The following ARFIP1 variants were observed in gnomAD, a reference collection of about 807,000 sequenced individuals.
ARFIP1 encodes the protein ARF interacting protein 1.
In ARFIP1, 24 loss-of-function variants were observed where a neutral mutation model predicts 42.5. The observed-to-expected ratio is 0.57, with a 90% CI of 0.41 to 0.80. The LOEUF (loss-of-function observed/expected upper bound fraction) is 0.80. ARFIP1 is among the 30% of genes least tolerant of loss of function. The pLI is 0.00. For synonymous variants in ARFIP1, 141 were observed against 153.7 expected, an observed-to-expected ratio of 0.92 and a Z score of 0.61; for missense variants, 354 against 434.0, an observed-to-expected ratio of 0.82 and a Z score of 1.64.
At chr4:152,889,479 A>G (rs1736539578) in intron 8 of ARFIP1, among the ~76,000 whole-genome samples, 1 of 127,402 alleles carries the variant, frequency 7.8e-6, no homozygotes, top group African/African-American at 3.0e-5. Flanking sequence ...TGAGCACATA[A>G]GATTGCATTC....
intron 2 of ARFIP1, among the ~76,000 whole-genome samples, chr4:152,839,559 A>G (rs371479351): frequency 5.3e-5 from 8 of 152,198 alleles, no homozygotes; most frequent in Admixed American, 6.5e-5. Flanking sequence ...TTTCTAGTTT[A>G]TGTGTGTAAA....
At position 152,862,450 on chromosome 4, in the gene ARFIP1, A is replaced by T. The variant is rs562647721; in HGVS notation, c.94-1156A>T. ...GATGTGTATGTTTTGTCCTAGGTTTAAAAAAAAAAAAAGGATAACTATCTT... is the reference window on the plus strand; with the variant it reads ...GATGTGTATGTTTTGTCCTAGGTTTTAAAAAAAAAAAAGGATAACTATCTT... On this transcript the variant is annotated intron_variant, in intron 2 of 8. Coordinates refer to ENST00000353617, the MANE Select transcript of ARFIP1 (RefSeq NM_001025595.3). Among the ~76,000 whole-genome samples the T allele has an allele frequency of 6.9e-3, 990 of 143,508 alleles. 6 individuals are homozygous for T. Among genetic ancestry groups the T allele is most frequent in the South Asian group, 0.023 (107 of 4,584 alleles). 94.1% of individuals were successfully genotyped at this position (143,508 alleles called of 152,430 possible). A position where few individuals can be genotyped will look rare whatever the true frequency, so the allele number is the denominator to read the frequency against.
chr4:152,883,009 T>C lies in ARFIP1; in HGVS notation c.791+129T>C, dbSNP rs974891645. The C allele has an allele frequency of 1.5e-5, 14 of 960,156 alleles. 1 individual carries two copies. In the South Asian group the frequency reaches 1.6e-4, roughly 11 times the overall value. The allele number at this position is 960,156 out of a possible 1,614,324, so 59.5% of individuals were successfully genotyped here. A position where few individuals can be genotyped will look rare whatever the true frequency, so the allele number is the denominator to read the frequency against. On this transcript the variant is annotated intron_variant, in intron 7 of 8. Coordinates refer to ENST00000353617, the MANE Select transcript of ARFIP1 (RefSeq NM_001025595.3). ...AGGAAAAAAATGTACTGGAAAGTTA[T>C]AGGATGCCTCTACAGACCTGGCAGA... is the stretch of plus-strand genomic sequence containing the variant.
chr4:152,905,853 A>G (rs1334999028), intron 8 of ARFIP1, among the ~76,000 whole-genome samples: 1 of 152,054 alleles, frequency 6.6e-6, no homozygotes, highest in African/African-American at 2.4e-5. Flanking sequence ...GTGCCTGGCC[A>G]AGAATTCTTT....
At chr4:152,839,069 G>A (rs1204650120) in intron 2 of ARFIP1, among the ~76,000 whole-genome samples, 2 of 152,074 alleles carry the variant, frequency 1.3e-5, no homozygotes, top group Non-Finnish European at 2.9e-5. Flanking sequence ...TTCCGTTTAT[G>A]TGGTTTATCA....
intron 8 of ARFIP1, among the ~76,000 whole-genome samples, chr4:152,908,761 C>T (rs1579060275): frequency 6.6e-6 from 1 of 152,112 alleles, no homozygotes. Context: ...GGCAGATTGC[C>T]CTTGAAGCGC....
intron 2 of ARFIP1, among the ~76,000 whole-genome samples, chr4:152,862,396 T>C (rs544260543): frequency 2.6e-5 from 4 of 152,254 alleles, no homozygotes; most frequent in African/African-American, 9.6e-5. Flanking sequence ...ACTTTCCTCT[T>C]TGATTGCATA....
chr4:152,870,734 A>T lies in ARFIP1; in HGVS notation c.203-19A>T. 6.3e-7 allele frequency: 1 copy of T among 1,587,092 alleles called. No homozygotes were observed. ...GAGGAGGAAAAGGATTTTCACAGTT[A>T]AAATGTCTACCTTTTCAGGTTCCCC... is the stretch of plus-strand genomic sequence containing the variant. On this transcript the variant is annotated intron_variant, in intron 3 of 8. Coordinates refer to ENST00000353617, the MANE Select transcript of ARFIP1 (RefSeq NM_001025595.3).
At chr4:152,904,194 A>ATT (rs1347913995) in intron 8 of ARFIP1, among the ~76,000 whole-genome samples, 24 of 96,744 alleles carry the variant, frequency 2.5e-4, no homozygotes, top group African/African-American at 9.6e-4. Flanking sequence ...ATATATATAT[A>ATT]TATATTTTTT....
chr4:152,787,357 A>G (rs1285711901), intron 1 of ARFIP1, among the ~76,000 whole-genome samples: 1 of 152,250 alleles, frequency 6.6e-6, no homozygotes, highest in Non-Finnish European at 1.5e-5. Flanking sequence ...CTACAAGTAC[A>G]TAATTCTACA....
chr4:152,823,854 G>T (rs1476713947), intron 1 of ARFIP1, among the ~76,000 whole-genome samples: 5 of 150,482 alleles, frequency 3.3e-5, no homozygotes, highest in African/African-American at 4.9e-5. Flanking sequence ...GAGAAGGAGG[G>T]ATTGCTCCCT....
At chr4:152,783,558 T>C (rs1368374155) in intron 1 of ARFIP1, among the ~76,000 whole-genome samples, 2 of 152,300 alleles carry the variant, frequency 1.3e-5, no homozygotes, top group East Asian at 1.9e-4. Context: ...CTGCTCAGAA[T>C]TGCGCTGGTG....
chr4:152,859,864 T>C (rs561387916), intron 2 of ARFIP1, among the ~76,000 whole-genome samples: 130 of 150,816 alleles, frequency 8.6e-4, no homozygotes, highest in African/African-American at 3.1e-3. Flanking sequence ...TCACTGGATA[T>C]CAGAAGTTAA....
At chr4:152,849,565 G>C (rs1732821781) in intron 2 of ARFIP1, among the ~76,000 whole-genome samples, 1 of 152,164 alleles carries the variant, frequency 6.6e-6, no homozygotes, top group African/African-American at 2.4e-5. Flanking sequence ...GAGGCCAAGA[G>C]GGTAGGCAGT....
intron 1 of ARFIP1, among the ~76,000 whole-genome samples, chr4:152,797,213 AT>A (rs1459416754): frequency 2.0e-5 from 3 of 152,170 alleles, no homozygotes; most frequent in Non-Finnish European, 4.4e-5. Flanking sequence ...TCCTGGCACC[AT>A]TTATTGAAAA....
intron 8 of ARFIP1, among the ~76,000 whole-genome samples, chr4:152,900,955 A>G (rs538178266): frequency 6.6e-6 from 1 of 152,344 alleles, no homozygotes; most frequent in South Asian, 2.1e-4. Context: ...GAAGAACTTA[A>G]CAATCATAAA....
chr4:152,873,667 C>T (rs746615528), intron 5 of ARFIP1, among the ~76,000 whole-genome samples: 3 of 152,192 alleles, frequency 2.0e-5, no homozygotes, highest in Non-Finnish European at 4.4e-5. Context: ...TATTCTTTCA[C>T]CTTTTCCCCG....
intron 1 of ARFIP1, among the ~76,000 whole-genome samples, chr4:152,826,594 A>G (rs1730858101): frequency 6.6e-6 from 1 of 152,192 alleles, no homozygotes; most frequent in African/African-American, 2.4e-5. Context: ...CATGTAATCA[A>G]AAACCACTTG....
chr4:152,816,918 CT>C (rs1213340392), intron 1 of ARFIP1, among the ~76,000 whole-genome samples: 1 of 152,202 alleles, frequency 6.6e-6, no homozygotes, highest in African/African-American at 2.4e-5. Context: ...CAAGATTTAG[CT>C]TAAATGTTAC....
Sources: gnomAD v4.1 joint callset for allele counts (sites outside exome capture counted in the v4.1 genomes callset) on GRCh38, gnomAD v4.1.1 for gene constraint, MANE v1.5 for transcripts, NCBI Gene and HGNC (gene_info 2026-07-23, HGNC 2026-07-21) for gene names.